Variants in TCF12 observed in about 807,000 individuals in gnomAD.
TCF12 encodes the protein DNA-binding protein HTF4.
In TCF12, 45 loss-of-function variants were observed where a neutral mutation model predicts 86.0. That is an observed-to-expected ratio of 0.52 (90% CI 0.41 to 0.67). The LOEUF (loss-of-function observed/expected upper bound fraction) is 0.67, where lower values mean the gene tolerates loss of function less well. Among genes scored for constraint, TCF12 ranks in the 30% least tolerant of loss-of-function variants. The pLI, the probability that TCF12 is intolerant of heterozygous loss-of-function variation, is 0.00. For missense variants in TCF12, 881 were observed against 859.9 expected (o/e 1.02, Z -0.31); for synonymous variants, 330 against 299.6 (o/e 1.10, Z -1.05).
chr15:57,131,535 A>G lies in TCF12; in HGVS notation c.326-34867A>G, dbSNP rs149754663. 1.1e-3 allele frequency among the ~76,000 whole-genome samples: 174 copies of G among 152,322 alleles called. 4 individuals carry two copies. The East Asian group carries it at 0.026, about 23-fold the overall frequency. ...ACTAATGCTTCTGTAAACCAAAGGAATGGTTGTCTTTGTATCCTCATAAAA... is the reference window on the plus strand; with the variant it reads ...ACTAATGCTTCTGTAAACCAAAGGAGTGGTTGTCTTTGTATCCTCATAAAA... On this transcript the variant is annotated intron_variant, in intron 5 of 20. Coordinates refer to ENST00000333725, the MANE Select transcript of TCF12 (RefSeq NM_207037.2).
chr15:57,073,184 G>A (rs1309688739), intron 4 of TCF12, among the ~76,000 whole-genome samples: 2 of 152,140 alleles, frequency 1.3e-5, no homozygotes, highest in African/African-American at 4.8e-5. Context: ...CTAGGCCCAT[G>A]AAATAACATC....
At chr15:57,106,673 T>C (rs764963978) in intron 5 of TCF12, among the ~76,000 whole-genome samples, 51 of 152,190 alleles carry the variant, frequency 3.4e-4, no homozygotes, top group Non-Finnish European at 6.5e-4. Context: ...AAGACATGTC[T>C]CATAAAGGAC....
intron 8 of TCF12, among the ~76,000 whole-genome samples, chr15:57,226,979 A>G (rs1193434705): frequency 6.6e-6 from 1 of 152,190 alleles, no homozygotes; most frequent in East Asian, 1.9e-4. Flanking sequence ...CCTATTGGAC[A>G]ATACTCATAT....
At chr15:57,278,845 C>T (rs1465818661) in intron 19 of TCF12, among the ~76,000 whole-genome samples, 1 of 149,198 alleles carries the variant, frequency 6.7e-6, no homozygotes, top group African/African-American at 2.5e-5. Context: ...TTCTCTCTTT[C>T]CTCCTTTTTT....
intron 3 of TCF12, among the ~76,000 whole-genome samples, chr15:57,025,897 G>T (rs560915062): frequency 6.6e-6 from 1 of 152,274 alleles, no homozygotes; most frequent in Admixed American, 6.5e-5. Flanking sequence ...CTTTAAGAGG[G>T]TCACTCGTCA....
At chr15:57,198,984 G>A (rs10518899) in intron 8 of TCF12, among the ~76,000 whole-genome samples, 66,733 of 151,892 alleles carry the variant, frequency 0.44, 16,257 homozygotes, top group East Asian at 0.64. Flanking sequence ...ATGAAAAGTC[G>A]AATTTGAAAT....
intron 5 of TCF12, among the ~76,000 whole-genome samples, chr15:57,128,526 T>C (rs1239579988): frequency 6.6e-6 from 1 of 152,232 alleles, no homozygotes; most frequent in African/African-American, 2.4e-5. Flanking sequence ...TCAGTGTTTT[T>C]AATAATAGTT....
At chr15:57,225,983 G>T (rs1487496064) in intron 8 of TCF12, among the ~76,000 whole-genome samples, 4 of 150,488 alleles carry the variant, frequency 2.7e-5, no homozygotes, top group Non-Finnish European at 5.9e-5. Flanking sequence ...TTAACATTAG[G>T]TATATCTCCT....
At chr15:57,226,339 T>C (rs2058877818) in intron 8 of TCF12, among the ~76,000 whole-genome samples, 1 of 152,104 alleles carries the variant, frequency 6.6e-6, no homozygotes, top group African/African-American at 2.4e-5. Flanking sequence ...ATATTTTCAT[T>C]TTAAAATTAT....
intron 5 of TCF12, among the ~76,000 whole-genome samples, chr15:57,093,529 C>T (rs1189781127): frequency 1.3e-5 from 2 of 152,118 alleles, no homozygotes; most frequent in African/African-American, 4.8e-5. Flanking sequence ...ATCATTAGTA[C>T]AGCTTTGTAC....
chr15:57,061,599 G>A (rs2068461301), intron 3 of TCF12, among the ~76,000 whole-genome samples: 1 of 152,056 alleles, frequency 6.6e-6, no homozygotes, highest in South Asian at 2.1e-4. Flanking sequence ...CATGAACGCT[G>A]CCTCTAAATG....
chr15:56,970,650 A>G lies in TCF12; in HGVS notation c.148+49552A>G, dbSNP rs146222281. ...GTTTTTCTCTATATCTCAAATCCCA[A>G]TGTAAAAAGAGGAAAGACTGATACA... On this transcript the variant is annotated intron_variant, in intron 3 of 20. Coordinates refer to ENST00000333725, the MANE Select transcript of TCF12 (RefSeq NM_207037.2). 3.5e-3 allele frequency among the ~76,000 whole-genome samples: 535 copies of G among 152,226 alleles called. 12 individuals carry two copies. Among genetic ancestry groups the G allele is most frequent in the Admixed American group, 0.029 (445 of 15,288 alleles).
intron 13 of TCF12, chr15:57,248,102 CTTTT>C (rs1566981183): frequency 2.8e-6 from 2 of 702,426 alleles, no homozygotes; most frequent in Non-Finnish European, 5.2e-6. Context: ...CCATCTCTTT[CTTTT>C]GAGAGTCTTT....
intron 13 of TCF12, among the ~76,000 whole-genome samples, chr15:57,250,923 A>AC (rs200717437): frequency 6.6e-6 from 1 of 151,624 alleles, no homozygotes; most frequent in Non-Finnish European, 1.5e-5. Context: ...AAGAAACAAA[A>AC]CCAAAAAAAC....
intron 8 of TCF12, among the ~76,000 whole-genome samples, chr15:57,207,672 C>T (rs1336151195): frequency 4.6e-5 from 7 of 151,812 alleles, no homozygotes; most frequent in East Asian, 1.9e-4. Context: ...AGTAAAACTC[C>T]GTCTCAAAAA....
chr15:56,965,350 AAC>A (rs2061956009), intron 3 of TCF12, among the ~76,000 whole-genome samples: 3 of 152,174 alleles, frequency 2.0e-5, no homozygotes, highest in Admixed American at 2.0e-4. Context: ...TTGAAACAGT[AAC>A]CCAGTTTTGA....
intron 3 of TCF12, among the ~76,000 whole-genome samples, chr15:56,962,481 C>A (rs1344370685): frequency 1.3e-5 from 2 of 152,100 alleles, no homozygotes; most frequent in Non-Finnish European, 2.9e-5. Flanking sequence ...GAGAAAACAG[C>A]TTTATTGGCA....
At chr15:57,183,048 T>TATA (rs1289176440) in intron 6 of TCF12, among the ~76,000 whole-genome samples, 1 of 152,204 alleles carries the variant, frequency 6.6e-6, no homozygotes, top group Non-Finnish European at 1.5e-5. Context: ...GAAATCTATA[T>TATA]AATACTTAAG....
chr15:57,170,115 T>A (rs570654339), intron 6 of TCF12, among the ~76,000 whole-genome samples: 2 of 152,284 alleles, frequency 1.3e-5, no homozygotes, highest in African/African-American at 4.8e-5. Context: ...GGTATTATGC[T>A]TAAGGCTACA....
Sources: gnomAD v4.1 joint callset for allele counts (sites outside exome capture counted in the v4.1 genomes callset) on GRCh38, gnomAD v4.1.1 for gene constraint, MANE v1.5 for transcripts, NCBI Gene and HGNC (gene_info 2026-07-23, HGNC 2026-07-21) for gene names.